NUCB2: variants seen among roughly 807,000 people sequenced by gnomAD.
NUCB2 encodes nucleobindin-2.
A neutral mutation model predicts 57.9 loss-of-function variants in NUCB2; 48 were observed. The observed-to-expected ratio is 0.83, with a 90% confidence interval of 0.66 to 1.05. The LOEUF is 1.05. NUCB2 is among the 50% of genes least tolerant of loss of function. The pLI is 0.00. For missense variants in NUCB2, 442 were observed against 476.2 expected, an observed-to-expected ratio of 0.93 and a Z score of 0.67; for synonymous variants, 139 against 152.1, an observed-to-expected ratio of 0.91 and a Z score of 0.64.
At chr11:17,288,549 C>CTTGTTT (rs752336919) in intron 2 of NUCB2, among the ~76,000 whole-genome samples, 1 of 75,866 alleles carries the variant, frequency 1.3e-5, no homozygotes, top group Admixed American at 1.5e-4. Flanking sequence ...TCTTCTTCTT[C>CTTGTTT]TTCTTTTTTT....
At chr11:17,337,645 T>C (rs902501143) in intron 2 of NUCB2, 3 of 152,178 alleles carry the variant, frequency 2.0e-5, no homozygotes, top group Admixed American at 6.5e-5. Context: ...TATTTATTTA[T>C]TTATTTTTTA....
chr11:17,285,453 T>C (rs1363519246), intron 2 of NUCB2, among the ~76,000 whole-genome samples: 1 of 151,996 alleles, frequency 6.6e-6, no homozygotes, highest in Non-Finnish European at 1.5e-5. Context: ...GGCATGCGCC[T>C]GTAGTCCCAG....
intron 2 of NUCB2, among the ~76,000 whole-genome samples, chr11:17,348,795 T>G (rs1372274395): frequency 6.6e-6 from 1 of 151,732 alleles, no homozygotes. Flanking sequence ...TTTTTTTTTT[T>G]GAGACAGAGT....
Position 17,331,391 on chromosome 11 carries a change from CT to C in NUCB2, c.1256-15del. ...AAGGAAGATACTTTTAAAATAAGAA[CT>C]TTTTTCTTTTTTCCAACAGACATTT... is the stretch of plus-strand genomic sequence containing the variant. On this transcript the variant is annotated intron_variant, in intron 13 of 13. Coordinates refer to ENST00000529010, the MANE Select transcript of NUCB2 (RefSeq NM_005013.4). 7.1e-7 allele frequency: 1 copy of C among 1,406,548 alleles called. No individual in the cohort carries two copies. The highest frequency in any genetic ancestry group is 9.4e-7 in the Non-Finnish European group (1 of 1,060,026). The allele number at this position is 1,406,548 out of a possible 1,614,324, so 87.1% of individuals were successfully genotyped here. A position where few individuals can be genotyped will look rare whatever the true frequency, so the allele number is the denominator to read the frequency against.
intron 4 of NUCB2, among the ~76,000 whole-genome samples, chr11:17,300,283 A>G (rs960251845): frequency 1.3e-5 from 2 of 152,206 alleles, no homozygotes; most frequent in Non-Finnish European, 2.9e-5. Flanking sequence ...AAGTTCTGGG[A>G]TAACAGGTGG....
downstream of NUCB2, chr11:17,333,915 G>C (rs890010095): frequency 6.6e-6 from 1 of 152,198 alleles, no homozygotes; most frequent in African/African-American, 2.4e-5. Flanking sequence ...CTTAGTCCAA[G>C]TCACATATCT....
intron 2 of NUCB2, among the ~76,000 whole-genome samples, chr11:17,348,070 C>CG (rs1952889747): frequency 6.6e-6 from 1 of 152,018 alleles, no homozygotes; most frequent in Admixed American, 6.6e-5. Flanking sequence ...GACAGTTCTT[C>CG]GTGGGTTGGA....
downstream of NUCB2, among the ~76,000 whole-genome samples, chr11:17,335,557 A>G (rs1951735144): frequency 6.6e-6 from 1 of 152,010 alleles, no homozygotes; most frequent in African/African-American, 2.4e-5. Context: ...GCTAGAGTGC[A>G]GTAGTGCGAT....
At chr11:17,348,304 T>C (rs1190708437) in intron 2 of NUCB2, among the ~76,000 whole-genome samples, 2 of 146,592 alleles carry the variant, frequency 1.4e-5, no homozygotes, top group Non-Finnish European at 3.0e-5. Context: ...TGAGGTGTTT[T>C]TTGTTTGTTT....
rs1948442483 is a variant in NUCB2, at chr11:17,311,219, A to G, written c.696A>G (p.Val232=). 4 of 1,607,192 alleles carry G rather than the reference A, an allele frequency of 2.5e-6. No homozygotes were observed. Among genetic ancestry groups the G allele is most frequent in the African/African-American group, 1.3e-5 (1 of 74,552 alleles). The part of the protein sequence containing the change: ...HPGSKDQLKE[V]WEETDGLDPN... Reference sequence around the variant, plus strand: ...GAAGCAAAGATCAACTAAAAGAGGTATGGGAAGAGACTGATGGATTGGATC... The same window carrying G: ...GAAGCAAAGATCAACTAAAAGAGGTGTGGGAAGAGACTGATGGATTGGATC... Residue 232 remains valine, a synonymous_variant, in exon 8 of 14, where the codon GTA becomes GTG. Transcript: ENST00000529010.
intron 1 of NUCB2, among the ~76,000 whole-genome samples, 188 bp from the exon 2 acceptor site, chr11:17,282,601 A>G (rs2137927041): frequency 6.6e-6 from 1 of 151,974 alleles, no homozygotes. Context: ...TGTTTATTTC[A>G]TGTATCTTTC....
At chr11:17,341,894 C>T (rs942024632) in intron 2 of NUCB2, among the ~76,000 whole-genome samples, 1 of 152,162 alleles carries the variant, frequency 6.6e-6, no homozygotes, top group African/African-American at 2.4e-5. Flanking sequence ...AGGAATGGTA[C>T]CAGCTCCTCC....
At chr11:17,335,769 G>A (rs1951754290), downstream of NUCB2, among the ~76,000 whole-genome samples, 1 of 152,146 alleles carries the variant, frequency 6.6e-6, no homozygotes, top group Non-Finnish European at 1.5e-5. Context: ...CAAAGTGCTG[G>A]GATTACAGGC....
intron 2 of NUCB2, among the ~76,000 whole-genome samples, chr11:17,289,894 C>T (rs1439312156): frequency 6.6e-6 from 1 of 152,190 alleles, no homozygotes; most frequent in Non-Finnish European, 1.5e-5. Flanking sequence ...GGAAGTTGTG[C>T]AGCTTCTGTT....
At chr11:17,343,753 C>T (rs1457274674) in intron 2 of NUCB2, among the ~76,000 whole-genome samples, 1 of 152,138 alleles carries the variant, frequency 6.6e-6, no homozygotes, top group African/African-American at 2.4e-5. Context: ...TTTTATCAAA[C>T]ATGACTATTT....
intron 11 of NUCB2, among the ~76,000 whole-genome samples, chr11:17,322,041 G>C (rs1158822660): frequency 1.3e-5 from 2 of 152,038 alleles, no homozygotes; most frequent in African/African-American, 4.8e-5. Flanking sequence ...CATTCTGTGG[G>C]TTATCCCTTC....
intron 2 of NUCB2, among the ~76,000 whole-genome samples, chr11:17,293,341 C>T (rs1220846248): frequency 6.6e-6 from 1 of 151,782 alleles, no homozygotes; most frequent in African/African-American, 2.4e-5. Context: ...TCTTGACTTT[C>T]CTTCTTATTT....
At chr11:17,279,976 A>G (rs1285264361) in intron 1 of NUCB2, among the ~76,000 whole-genome samples, 3 of 151,928 alleles carry the variant, frequency 2.0e-5, no homozygotes. Flanking sequence ...ATTTTTTTGT[A>G]GAGAAGAGGC....
intron 2 of NUCB2, among the ~76,000 whole-genome samples, chr11:17,287,031 A>T (rs1943861265): frequency 6.6e-6 from 1 of 152,200 alleles, no homozygotes; most frequent in South Asian, 2.1e-4. Context: ...CAGATTAGAA[A>T]CTAGTAGAAA....
Sources: allele counts gnomAD v4.1 joint callset (sites outside exome capture counted in the v4.1 genomes callset), GRCh38; gene constraint gnomAD v4.1.1; transcripts MANE v1.5; gene names NCBI Gene and HGNC (gene_info 2026-07-23, HGNC 2026-07-21).